ACTA1: variants seen among roughly 807,000 people sequenced by gnomAD.
ACTA1 encodes the protein actin, alpha skeletal muscle.
A neutral mutation model predicts 35.8 loss-of-function variants in ACTA1; 25 were observed. The ratio of observed to expected loss-of-function variants is 0.70; its 90% CI spans 0.51 to 0.97. The LOEUF (loss-of-function observed/expected upper bound fraction) is 0.97. Among genes scored for constraint, ACTA1 ranks in the 50% least tolerant of loss-of-function variants. ACTA1 has a pLI of 0.00. For missense variants in ACTA1, 174 were observed against 533.0 expected (o/e 0.33, Z 6.63); for synonymous variants, 219 against 217.1 (o/e 1.01, Z -0.08).
Position 229,431,796 on chromosome 1 carries a change from G to C in ACTA1, c.915C>G (p.Thr305=), listed in dbSNP as rs1194773085. 5.6e-6 allele frequency: 9 copies of C among 1,614,176 alleles called. No homozygotes were observed. Among genetic ancestry groups the C allele is most frequent in the Non-Finnish European group, 7.6e-6 (9 of 1,180,022 alleles). ...GGTCAGCGATCCCAGGGTACATCGTGGTGCCCCCCGACATGACGTTGTTGG... is the reference window on the plus strand; with the variant it reads ...GGTCAGCGATCCCAGGGTACATCGTCGTGCCCCCCGACATGACGTTGTTGG... ...LYANNVMSGG[T]TMYPGIADRM... The change falls in exon 6 of 7, where the codon ACC becomes ACG. Residue 305 remains threonine, a synonymous_variant. Coordinates refer to ENST00000366684, the MANE Select transcript of ACTA1 (RefSeq NM_001100.4). The surrounding 1 kb of genome is among the most constrained non-coding windows in gnomAD (Gnocchi z 7.1).
Position 229,431,328 on chromosome 1 carries a change from A to C in ACTA1, c.*171T>G, listed in dbSNP as rs1256940769. The stretch of plus-strand genomic sequence containing the variant: ...AGGGCTTTGTTTCGAAAAATAACAA[A>C]ATGAGGTAATAAGTTAATGTATGTA... On this transcript the variant is annotated 3_prime_UTR_variant, in exon 7 of 7. Transcript: ENST00000366684. This position sits in a 1 kb window ranked among gnomAD's most constrained non-coding sequence, Gnocchi z 7.1. 1.1e-6 allele frequency: 1 copy of C among 906,620 alleles called. No individual in the cohort carries two copies. Among genetic ancestry groups the C allele is most frequent in the East Asian group, 2.6e-5 (1 of 38,016 alleles). The allele number at this position is 906,620 out of a possible 1,614,324, so 56.2% of individuals were successfully genotyped here.
At position 229,433,008 on chromosome 1, in the gene ACTA1, G is replaced by C; in HGVS notation, c.108C>G (p.Ile36Met). ...TGACCTGGTGTCGGGGGCGGCCCACGATGGACGGGAACACGGCCCTAGGGG... is the reference window on the plus strand; with the variant it reads ...TGACCTGGTGTCGGGGGCGGCCCACCATGGACGGGAACACGGCCCTAGGGG... ...DDAPRAVFPS[I>M]VGRPRHQGVM... The change falls in exon 2 of 7, where the codon ATC (isoleucine) becomes ATG (methionine). Residue 36 changes from isoleucine to methionine, a missense_variant. Physicochemically the swap from Ile to Met is conservative, Grantham distance 10 (BLOSUM62 1). Coordinates refer to ENST00000366684, the MANE Select transcript of ACTA1 (RefSeq NM_001100.4). The C allele has an allele frequency of 6.2e-7, 1 of 1,613,730 alleles. No individual in the cohort carries two copies. The highest frequency in any genetic ancestry group is 1.3e-5 in the African/African-American group (1 of 75,066).
Position 229,431,745 on chromosome 1 carries a change from C to G in ACTA1, c.966G>C (p.Leu322=), listed in dbSNP as rs765996798. 3 of 1,614,194 alleles carry G rather than the reference C, an allele frequency of 1.9e-6. No homozygotes were observed. The South Asian group carries it at 3.3e-5, about 18-fold the overall frequency. The change falls in exon 6 of 7, where the codon CTG becomes CTC. Residue 322 remains leucine (L), a synonymous_variant. Coordinates refer to ENST00000366684, the MANE Select transcript of ACTA1 (RefSeq NM_001100.4). The surrounding 1 kb of genome is among the most constrained non-coding windows in gnomAD (Gnocchi z 7.1). ...CCTTGATCTTCATGGTGCTGGGTGC[C>G]AGCGCGGTGATCTCTTTCTGCATGC... The part of the protein sequence containing the change: ...ADRMQKEITA[L]APSTMKIKII...
At position 229,431,425 on chromosome 1, in the gene ACTA1, G is replaced by A; in HGVS notation, c.*74C>T. The A allele has an allele frequency of 1.9e-6, 3 of 1,597,846 alleles. No individual in the cohort carries two copies. The South Asian group carries it at 3.3e-5, about 18-fold the overall frequency. Reference sequence around the variant, plus strand: ...GTTACAAAGAAAGTGACTGCGGGGTGGCTGGAGCTCAGCCGCCCCCCCATT... The same window carrying A: ...GTTACAAAGAAAGTGACTGCGGGGTAGCTGGAGCTCAGCCGCCCCCCCATT... On this transcript the variant is annotated 3_prime_UTR_variant, in exon 7 of 7. Coordinates refer to ENST00000366684, the MANE Select transcript of ACTA1 (RefSeq NM_001100.4). This position sits in a 1 kb window ranked among gnomAD's most constrained non-coding sequence, Gnocchi z 7.1.
chr1:229,432,231 C>T (rs893970878), intron 4 of ACTA1, 39 bp downstream of exon 4: 4 of 1,612,728 alleles, frequency 2.5e-6, no homozygotes, highest in African/African-American at 1.3e-5. Context: ...CAGGGGCCGC[C>T]GCCGGCCCTC....
At position 229,432,342 on chromosome 1, in the gene ACTA1, G is replaced by C. The variant is rs756428017; in HGVS notation, c.544C>G (p.Leu182Val). ...ALPHAIMRLD[L>V]AGRDLTDYLM... ...TAGTCGGTGAGATCGCGGCCCGCCA[G>C]GTCCAGGCGCATGATGGCGTGCGGC... The change falls in exon 4 of 7, where the codon CTG becomes GTG. Residue 182 changes from leucine to valine, a missense_variant. Physicochemically the swap from Leu to Val is conservative, Grantham distance 32 (BLOSUM62 1). Coordinates refer to ENST00000366684, the MANE Select transcript of ACTA1 (RefSeq NM_001100.4). The C allele has an allele frequency of 1.2e-6, 2 of 1,613,804 alleles. No homozygotes were observed. Among genetic ancestry groups the C allele is most frequent in the Non-Finnish European group, 8.5e-7 (1 of 1,179,850 alleles).
rs776493532 is a variant in ACTA1, at chr1:229,432,803, C to T, written c.207G>A (p.Leu69=). ...TGATGCCGTGCTCGATAGGGTACTT[C>T]AGGGTCAGGATACCTCTCTTGCTCT... The part of the protein sequence containing the change: ...EAQSKRGILT[L]KYPIEHGIIT... The change falls in exon 3 of 7, where the codon CTG becomes CTA. Residue 69 remains leucine, a synonymous_variant. Coordinates refer to ENST00000366684, the MANE Select transcript of ACTA1 (RefSeq NM_001100.4). 1 of 1,614,190 alleles carries T rather than the reference C, an allele frequency of 6.2e-7. No individual in the cohort carries two copies. Among genetic ancestry groups the T allele is most frequent in the Non-Finnish European group, 8.5e-7 (1 of 1,180,026 alleles).
In ACTA1 at chr1:229,433,259, A is replaced by C. The variant is rs532065888; in HGVS notation, c.-12-132T>G. On this transcript the variant is annotated intron_variant, in intron 1 of 6. Transcript: ENST00000366684. ...CCTAGGGACATCTCCTGCCGGAGCC[A>C]CTCAAATTCTGCCAGGGCGGCGACC... 3.0e-6 allele frequency: 4 copies of C among 1,333,038 alleles called. No individual in the cohort carries two copies. The African/African-American group carries it at 5.8e-5, about 19-fold the overall frequency. 82.6% of individuals were successfully genotyped at this position (1,333,038 alleles called of 1,614,324 possible).
At position 229,432,057 on chromosome 1, in the gene ACTA1, C is replaced by T. The variant is rs149762697; in HGVS notation, c.745G>A (p.Val249Ile). The T allele has an allele frequency of 3.7e-6, 6 of 1,612,336 alleles. No homozygotes were observed. The East Asian group carries it at 1.1e-4, about 30-fold the overall frequency. Residue 249 changes from valine (V) to isoleucine (I), a missense_variant, in exon 5 of 7, where the codon GTC becomes ATC. By Grantham distance (29) the Val-to-Ile change is conservative. Coordinates refer to ENST00000366684, the MANE Select transcript of ACTA1 (RefSeq NM_001100.4). ...EKSYELPDGQVITIGNERFRC... is the reference protein window; with the variant it reads ...EKSYELPDGQIITIGNERFRC... ...AAGCGCTCGTTGCCGATGGTGATGACCTGCCCGTCTGGCAGCTCGTAGCTC... is the reference window on the plus strand; with the variant it reads ...AAGCGCTCGTTGCCGATGGTGATGATCTGCCCGTCTGGCAGCTCGTAGCTC...
chr1:229,432,556 C>T lies in ACTA1; in HGVS notation c.454G>A (p.Gly152Ser). The stretch of plus-strand genomic sequence containing the variant: ...GGGACTGGGGGCAGCGGGCACTCAC[C>T]GGTGGTCCTGCCGGAGGCGTAGAGG... ...LSLYASGRTT[G>S]IVLDSGDGVT... is the part of the protein sequence containing the mutation. Residue 152 changes from glycine (G) to serine (S), a missense_variant and splice_region_variant, in exon 3 of 7, where the codon GGC becomes AGC. By Grantham distance (56) the Gly-to-Ser change is moderately conservative. Transcript: ENST00000366684. 1 of 1,609,176 alleles carries T rather than the reference C, an allele frequency of 6.2e-7. No homozygotes were observed. The highest frequency in any genetic ancestry group is 8.5e-7 in the Non-Finnish European group (1 of 1,178,392).
At chr1:229,432,932 G>C (rs770041721) in intron 2 of ACTA1, 52 bp from the exon 3 acceptor site, 1 of 1,614,030 alleles carries the variant, frequency 6.2e-7, no homozygotes, top group Admixed American at 1.7e-5. Context: ...GGTGGCACCA[G>C]GCTGGCTTAC....
chr1:229,432,364 C>T lies in ACTA1; in HGVS notation c.522G>A (p.Pro174=), dbSNP rs778261678. The T allele has an allele frequency of 3.1e-6, 5 of 1,613,558 alleles. No individual in the cohort carries two copies. The South Asian group carries it at 4.4e-5, about 14-fold the overall frequency. ...NVPIYEGYAL[P]HAIMRLDLAG... is the part of the protein sequence containing the mutation. ...CCAGGTCCAGGCGCATGATGGCGTG[C>T]GGCAGCGCGTAGCCCTCATAAATGG... The change falls in exon 4 of 7, where the codon CCG becomes CCA. Residue 174 remains proline, a synonymous_variant. Coordinates refer to ENST00000366684, the MANE Select transcript of ACTA1 (RefSeq NM_001100.4).
Position 229,431,447 on chromosome 1 carries a change from C to G in ACTA1, c.*52G>C. The G allele has an allele frequency of 6.2e-7, 1 of 1,611,978 alleles. No homozygotes were observed. Among genetic ancestry groups the G allele is most frequent in the Non-Finnish European group, 8.5e-7 (1 of 1,179,730 alleles). ...GGTGGCTGGAGCTCAGCCGCCCCCC[C>G]ATTGAGAAGATTCGTCGTCCTGAGA... On this transcript the variant is annotated 3_prime_UTR_variant, in exon 7 of 7. Transcript: ENST00000366684. The surrounding 1 kb of genome is among the most constrained non-coding windows in gnomAD (Gnocchi z 7.1).
In ACTA1 at chr1:229,433,022, C is replaced by A; in HGVS notation, c.94G>T (p.Val32Leu). 1 of 1,613,820 alleles carries A rather than the reference C, an allele frequency of 6.2e-7. No individual in the cohort carries two copies. Among genetic ancestry groups the A allele is most frequent in the Non-Finnish European group, 8.5e-7 (1 of 1,179,842 alleles). Residue 32 changes from valine to leucine, a missense_variant, in exon 2 of 7, where the codon GTG (valine) becomes TTG (leucine). Coordinates refer to ENST00000366684, the MANE Select transcript of ACTA1 (RefSeq NM_001100.4). Reference sequence around the variant, plus strand: ...GGGCGGCCCACGATGGACGGGAACACGGCCCTAGGGGCGTCATCCCCGGCG... The same window carrying A: ...GGGCGGCCCACGATGGACGGGAACAAGGCCCTAGGGGCGTCATCCCCGGCG... ...GFAGDDAPRA[V>L]FPSIVGRPRH...
At position 229,431,720 on chromosome 1, in the gene ACTA1, C is replaced by A. The variant is rs372686280; in HGVS notation, c.990+1G>T. ...GACAGCCCGCGCAGGCCACCACCCA[C>A]CTTGATCTTCATGGTGCTGGGTGCC... On this transcript the variant is annotated splice_donor_variant, in intron 6 of 6. Transcript: ENST00000366684. LOFTEE classifies it high-confidence loss of function. The surrounding 1 kb of genome is among the most constrained non-coding windows in gnomAD (Gnocchi z 7.1). The A allele has an allele frequency of 2.1e-5, 34 of 1,614,066 alleles. No homozygotes were observed. Among genetic ancestry groups the A allele is most frequent in the Non-Finnish European group, 2.6e-5 (31 of 1,180,028 alleles).
In ACTA1 at chr1:229,432,933, G is replaced by C. The variant is rs1659982373; in HGVS notation, c.130-53C>G. The C allele has an allele frequency of 9.3e-6, 15 of 1,613,968 alleles. No homozygotes were observed. The South Asian group carries it at 1.5e-4, about 17-fold the overall frequency. On this transcript the variant is annotated intron_variant, in intron 2 of 6. Coordinates refer to ENST00000366684, the MANE Select transcript of ACTA1 (RefSeq NM_001100.4). ...TTAACGCCGCTCCGGGTGGCACCAG[G>C]CTGGCTTACGCGGGGACCCCGAGCC... is the stretch of plus-strand genomic sequence containing the variant.
At chr1:229,432,511 C>T (rs760949276) in intron 3 of ACTA1, 45 bp downstream of exon 3, 3 of 722,822 alleles carry the variant, frequency 4.2e-6, no homozygotes, top group Admixed American at 1.1e-4. Context: ...GGGGCGGGGG[C>T]GGGGGCGGGG....
Position 229,432,095 on chromosome 1 carries a change from G to A in ACTA1, c.707C>T (p.Ser236Phe). Reference protein sequence around the residue: ...ENEMATAASSSSLEKSYELPD... With the variant: ...ENEMATAASSFSLEKSYELPD... ...CAGCTCGTAGCTCTTTTCCAGGGAG[G>A]AGGAGGAGGCGGCCGTCGCCATCTC... Residue 236 changes from serine to phenylalanine, a missense_variant, in exon 5 of 7, where the codon TCC (serine) becomes TTC (phenylalanine). Physicochemically the swap from Ser to Phe is radical, Grantham distance 155. Transcript: ENST00000366684. 6.2e-7 allele frequency: 1 copy of A among 1,613,138 alleles called. No homozygotes were observed. The highest frequency in any genetic ancestry group is 8.5e-7 in the Non-Finnish European group (1 of 1,179,902).
intron 1 of ACTA1, among the ~76,000 whole-genome samples, chr1:229,433,394 G>T (rs1659996484): frequency 6.6e-6 from 1 of 152,182 alleles, no homozygotes; most frequent in African/African-American, 2.4e-5. Flanking sequence ...ATAGCCAGGG[G>T]AACATGTTCC....
Sources: gnomAD v4.1 joint callset for allele counts (sites outside exome capture counted in the v4.1 genomes callset) on GRCh38, gnomAD v4.1.1 for gene constraint, Gnocchi (gnomAD v3.1) non-coding constraint, MANE v1.5 for transcripts, NCBI Gene and HGNC (gene_info 2026-07-23, HGNC 2026-07-21) for gene names.